The following USP48 variants were observed in gnomAD, a reference collection of about 807,000 sequenced individuals.
The protein encoded by USP48 is ubiquitin carboxyl-terminal hydrolase 48.
Under a neutral mutation model 150.7 loss-of-function variants are expected in USP48, and 43 were observed. The ratio of observed to expected loss-of-function variants is 0.29; its 90% CI spans 0.22 to 0.37. The LOEUF is 0.37. Among genes scored for constraint, USP48 ranks in the 10% least tolerant of loss-of-function variants. USP48 has a pLI of 1.00. For missense variants in USP48, 813 were observed against 1,249.6 expected, an observed-to-expected ratio of 0.65 and a Z score of 5.27; for synonymous variants, 396 against 425.9, an observed-to-expected ratio of 0.93 and a Z score of 0.86.
intron 14 of USP48, among the ~76,000 whole-genome samples, chr1:21,718,263 T>C (rs2097710164): frequency 6.6e-6 from 1 of 152,080 alleles, no homozygotes; most frequent in Non-Finnish European, 1.5e-5. Flanking sequence ...AATTAATCAA[T>C]AAAAAGGGCT....
intron 5 of USP48, 55 bp downstream of exon 5, chr1:21,752,472 T>C (rs2097818878): frequency 1.3e-5 from 20 of 1,589,396 alleles, no homozygotes; most frequent in Non-Finnish European, 1.5e-5. Context: ...ATAGTTAACA[T>C]ATGAGCAACT....
At chr1:21,742,588 GAAAAGAAAAGAAA>G (rs147856251) in intron 8 of USP48, among the ~76,000 whole-genome samples, 17,048 of 150,834 alleles carry the variant, frequency 0.11, 1,140 homozygotes, top group African/African-American at 0.18. Context: ...AAAAAGAAAA[GAAAAGAAAAGAAA>G]AAAAGAAAAA....
intron 1 of USP48, among the ~76,000 whole-genome samples, chr1:21,767,575 G>A (rs924466826): frequency 1.3e-5 from 2 of 151,258 alleles, no homozygotes; most frequent in Non-Finnish European, 1.5e-5. Context: ...TGCCCACCTC[G>A]GCCTCCCAAA....
At chr1:21,721,594 A>G in intron 13 of USP48, 56 bp downstream of exon 13, 1 of 1,099,046 alleles carries the variant, frequency 9.1e-7, no homozygotes, top group Non-Finnish European at 1.3e-6. Flanking sequence ...ATGCTTGGTT[A>G]TGACCTCTTG....
intron 15 of USP48, among the ~76,000 whole-genome samples, chr1:21,710,681 A>G (rs1002709117): frequency 6.6e-6 from 1 of 152,166 alleles, no homozygotes; most frequent in Non-Finnish European, 1.5e-5. Context: ...AGAAATATAT[A>G]GGGGTTTTGT....
chr1:21,726,351 T>C (rs2097737174), intron 11 of USP48: 1 of 152,192 alleles, frequency 6.6e-6, no homozygotes, highest in African/African-American at 2.4e-5. Context: ...GGAAAGCTTG[T>C]TGTTTTGGTT....
At chr1:21,752,443 C>T (rs1392273079) in intron 5 of USP48, 84 bp downstream of exon 5, 2 of 1,513,878 alleles carry the variant, frequency 1.3e-6, no homozygotes, top group African/African-American at 2.8e-5. Flanking sequence ...AAAGCTACAA[C>T]CTGGAACTGC....
intron 12 of USP48, among the ~76,000 whole-genome samples, chr1:21,722,394 C>G (rs1321020537): frequency 2.0e-5 from 3 of 151,228 alleles, no homozygotes; most frequent in Non-Finnish European, 4.4e-5. Flanking sequence ...TAAAAATTAG[C>G]AAGCCATGGT....
chr1:21,757,827 T>C, intron 1 of USP48, 44 bp from the exon 2 acceptor site: 1 of 1,541,848 alleles, frequency 6.5e-7, no homozygotes, highest in Non-Finnish European at 8.7e-7. Flanking sequence ...AGACCATAGT[T>C]TCATGAGAGA....
Position 21,761,904 on chromosome 1 carries a change from A to C in USP48, c.135-4121T>G, listed in dbSNP as rs186158487. The stretch of plus-strand genomic sequence containing the variant: ...AGAACCCATCCACTGTGGGGAGAAG[A>C]AGCTAGGGTTTTGTTTTAGTGCTTA... On this transcript the variant is annotated intron_variant, in intron 1 of 26. Coordinates refer to ENST00000308271, the MANE Select transcript of USP48 (RefSeq NM_032236.8). 6.0e-4 allele frequency among the ~76,000 whole-genome samples: 92 copies of C among 152,358 alleles called. 1 individual carries two copies. In the East Asian group the frequency reaches 8.3e-3, roughly 14 times the overall value.
intron 11 of USP48, chr1:21,724,532 A>C (rs997739834): frequency 5.0e-6 from 1 of 198,796 alleles, no homozygotes; most frequent in Non-Finnish European, 1.0e-5. Flanking sequence ...CATATATGTG[A>C]TATACATCTG....
Position 21,755,684 on chromosome 1 carries a change from T to C in USP48, c.412+862A>G, listed in dbSNP as rs114609316. Reference sequence around the variant, plus strand: ...TTTCAGCAAGTCAATATACCATCTGTAAAATAAAGATAAAATATTACTCCT... The same window carrying C: ...TTTCAGCAAGTCAATATACCATCTGCAAAATAAAGATAAAATATTACTCCT... On this transcript the variant is annotated intron_variant, in intron 3 of 26. Transcript: ENST00000308271. Among the ~76,000 whole-genome samples the C allele has an allele frequency of 3.7e-3, 559 of 152,084 alleles. 4 individuals carry two copies. Among genetic ancestry groups the C allele is most frequent in the African/African-American group, 0.013 (539 of 41,496 alleles).
chr1:21,729,496 T>C (rs958880097), intron 10 of USP48, among the ~76,000 whole-genome samples: 1 of 152,228 alleles, frequency 6.6e-6, no homozygotes, highest in Admixed American at 6.5e-5. Flanking sequence ...ATGTTTTGAT[T>C]ACTTTCTGAT....
chr1:21,693,247 T>C (rs1214456566), intron 23 of USP48, among the ~76,000 whole-genome samples: 2 of 152,204 alleles, frequency 1.3e-5, no homozygotes, highest in African/African-American at 2.4e-5. Flanking sequence ...TTGTACTTCA[T>C]TAACCTCATG....
At chr1:21,750,753 G>A (rs1278270209) in intron 6 of USP48, among the ~76,000 whole-genome samples, 8 of 151,904 alleles carry the variant, frequency 5.3e-5, no homozygotes, top group Admixed American at 2.0e-4. Flanking sequence ...ATGGTGGCCC[G>A]CGCCTATAAT....
chr1:21,684,365 C>T (rs2097575071), intron 25 of USP48, among the ~76,000 whole-genome samples: 1 of 152,146 alleles, frequency 6.6e-6, no homozygotes, highest in African/African-American at 2.4e-5. Context: ...ATTTGCATTT[C>T]CCTGATGATT....
chr1:21,728,844 C>T (rs2097747413), intron 10 of USP48, 125 bp from the exon 11 acceptor site: 1 of 1,196,668 alleles, frequency 8.4e-7, no homozygotes, highest in African/African-American at 1.5e-5. Context: ...TATGGTCTCC[C>T]TGTCTGCTAG....
At chr1:21,741,524 G>T (rs2097781669) in intron 8 of USP48, among the ~76,000 whole-genome samples, 1 of 152,172 alleles carries the variant, frequency 6.6e-6, no homozygotes, top group Non-Finnish European at 1.5e-5. Flanking sequence ...CTTACTAAAA[G>T]AATTTTGTAA....
rs1553151300 is a variant in USP48 at position 21,782,998 on chromosome 1, A to AGCCGCCGCCGCGGTCTGC, written c.-59_-42dup. On this transcript the variant is annotated 5_prime_UTR_variant, in exon 1 of 27. Coordinates refer to ENST00000308271, the MANE Select transcript of USP48 (RefSeq NM_032236.8). ...AACGCCTCCCGAGCCAGACCGCCGC[A>AGCCGCCGCCGCGGTCTGC]GCCGCCGCCGCGGTCTGCACCGCCG... The AGCCGCCGCCGCGGTCTGC allele has an allele frequency of 3.0e-5, 44 of 1,484,160 alleles. No individual in the cohort carries two copies. Among genetic ancestry groups the AGCCGCCGCCGCGGTCTGC allele is most frequent in the South Asian group, 5.3e-5 (4 of 75,654 alleles). 91.9% of individuals were successfully genotyped at this position (1,484,160 alleles called of 1,614,324 possible).
Sources: allele counts gnomAD v4.1 joint callset (sites outside exome capture counted in the v4.1 genomes callset), GRCh38; gene constraint gnomAD v4.1.1; transcripts MANE v1.5; gene names NCBI Gene and HGNC (gene_info 2026-07-23, HGNC 2026-07-21).